Variants in PDGFD observed in about 807,000 individuals in gnomAD.
PDGFD encodes the protein platelet-derived growth factor D.
PDGFD carries 30 observed loss-of-function variants against 44.7 expected under a neutral mutation model. The observed-to-expected ratio is 0.67, with a 90% CI of 0.50 to 0.91. The LOEUF is 0.91. Among genes scored for constraint, PDGFD ranks in the 40% least tolerant of loss-of-function variants. The pLI is 0.00. For synonymous variants in PDGFD, 173 were observed against 168.4 expected, an observed-to-expected ratio of 1.03 and a Z score of -0.21; for missense variants, 445 against 457.8, an observed-to-expected ratio of 0.97 and a Z score of 0.25.
At chr11:103,999,093 C>T (rs1859580750) in intron 2 of PDGFD, among the ~76,000 whole-genome samples, 2 of 152,162 alleles carry the variant, frequency 1.3e-5, no homozygotes, top group Non-Finnish European at 2.9e-5. Context: ...TTCTGGCATA[C>T]ATTACCCTCT....
intron 3 of PDGFD, among the ~76,000 whole-genome samples, chr11:103,966,946 C>T (rs1284945218): frequency 1.3e-5 from 2 of 152,168 alleles, no homozygotes; most frequent in Admixed American, 6.5e-5. Flanking sequence ...TGAGAGCTCA[C>T]ACTCTGAAAA....
chr11:103,943,451 C>T lies in PDGFD; in HGVS notation c.772+1G>A. The T allele has an allele frequency of 6.2e-7, 1 of 1,610,490 alleles. No individual in the cohort carries two copies. Among genetic ancestry groups the T allele is most frequent in the Non-Finnish European group, 8.5e-7 (1 of 1,178,268 alleles). On this transcript the variant is annotated splice_donor_variant, in intron 5 of 6. Coordinates refer to ENST00000393158, the MANE Select transcript of PDGFD (RefSeq NM_025208.5). LOFTEE classifies it high-confidence loss of function. The stretch of plus-strand genomic sequence containing the variant: ...AGAATGTACAAGTGTCTGTCTCTTA[C>T]CTTTTGACTTCCGGTCATGGTATGA...
rs188366091 is a variant in PDGFD, at chr11:104,135,232, T to C, written c.124+28572A>G. 3.5e-3 allele frequency among the ~76,000 whole-genome samples: 531 copies of C among 152,336 alleles called. 2 individuals carry two copies. The highest frequency in any genetic ancestry group is 0.012 in the African/African-American group (493 of 41,586). ...TAGTGGTTACCCTTTCAGTGGCTAT[T>C]ACAGCACCTGGTATTGGCTGTTATG... On this transcript the variant is annotated intron_variant, in intron 1 of 6. Coordinates refer to ENST00000393158, the MANE Select transcript of PDGFD (RefSeq NM_025208.5).
At chr11:104,080,654 C>T (rs1565329056) in intron 1 of PDGFD, among the ~76,000 whole-genome samples, 1 of 152,230 alleles carries the variant, frequency 6.6e-6, no homozygotes, top group African/African-American at 2.4e-5. Context: ...TCCTTGCTTA[C>T]TTCTGTTGTG....
At chr11:104,032,470 A>G (rs1009710108) in intron 1 of PDGFD, among the ~76,000 whole-genome samples, 16 of 152,298 alleles carry the variant, frequency 1.1e-4, no homozygotes, top group Admixed American at 3.3e-4. Context: ...ATCCCAATGT[A>G]GCAAGCAAAT....
chr11:103,952,207 C>T (rs563998878), intron 3 of PDGFD, among the ~76,000 whole-genome samples: 2 of 152,288 alleles, frequency 1.3e-5, no homozygotes, highest in South Asian at 4.1e-4. Context: ...GAACAGTGCC[C>T]TTACCGTTAC....
intron 1 of PDGFD, among the ~76,000 whole-genome samples, chr11:104,103,532 C>A (rs1204411906): frequency 2.1e-5 from 3 of 146,080 alleles, no homozygotes; most frequent in African/African-American, 7.6e-5. Flanking sequence ...ATGGAAGGAT[C>A]TACCCAATAT....
intron 5 of PDGFD, among the ~76,000 whole-genome samples, chr11:103,929,234 T>C (rs1248882860): frequency 3.3e-5 from 5 of 152,212 alleles, no homozygotes; most frequent in African/African-American, 1.2e-4. Flanking sequence ...TTCCCCCTTT[T>C]GCTCCATAGT....
At chr11:104,126,008 TGCAGA>T (rs1861836475) in intron 1 of PDGFD, among the ~76,000 whole-genome samples, 1 of 152,136 alleles carries the variant, frequency 6.6e-6, no homozygotes, top group Admixed American at 6.6e-5. Flanking sequence ...GTTGCAGCAA[TGCAGA>T]GCAACCAATG....
At chr11:104,107,961 C>T (rs1004852998) in intron 1 of PDGFD, among the ~76,000 whole-genome samples, 2 of 152,092 alleles carry the variant, frequency 1.3e-5, no homozygotes, top group East Asian at 1.9e-4. Context: ...CAGCTACATA[C>T]ATAATGCTTT....
intron 2 of PDGFD, 133 bp downstream of exon 2, chr11:103,999,918 T>C: frequency 7.8e-6 from 6 of 773,890 alleles, no homozygotes; most frequent in Non-Finnish European, 1.0e-5. Flanking sequence ...GTCTTTAGGC[T>C]TTTTGAAAAA....
rs1591155196 is a variant in PDGFD at position 104,083,825 on chromosome 11, A to C, written c.124+79979T>G. ...CCCATTTTGAGAAGAATGAGTGTAAAATAATCTGGTGTCTTCTAGGCAGCA... is the reference window on the plus strand; with the variant it reads ...CCCATTTTGAGAAGAATGAGTGTAACATAATCTGGTGTCTTCTAGGCAGCA... On this transcript the variant is annotated intron_variant, in intron 1 of 6. Transcript: ENST00000393158. Among the ~76,000 whole-genome samples, 4 of 152,210 alleles carry C rather than the reference A, an allele frequency of 2.6e-5. No individual in the cohort carries two copies. In the East Asian group the frequency reaches 5.8e-4, roughly 22 times the overall value.
chr11:104,062,708 A>G (rs1656950191), intron 1 of PDGFD, among the ~76,000 whole-genome samples: 1 of 152,246 alleles, frequency 6.6e-6, no homozygotes. Context: ...GTTAAAAATA[A>G]GTAAATTCAA....
intron 1 of PDGFD, among the ~76,000 whole-genome samples, chr11:104,138,668 T>G (rs1456423516): frequency 1.3e-5 from 2 of 152,232 alleles, no homozygotes; most frequent in Non-Finnish European, 2.9e-5. Flanking sequence ...GATGCACATC[T>G]TCAGTTCATC....
chr11:103,947,431 G>A (rs1858682224), intron 4 of PDGFD, among the ~76,000 whole-genome samples: 1 of 149,454 alleles, frequency 6.7e-6, no homozygotes, highest in Non-Finnish European at 1.5e-5. Context: ...ATTACCTAGT[G>A]TGAGTTCCTA....
At chr11:103,947,861 G>C (rs999997349) in intron 3 of PDGFD, 137 bp from the exon 4 acceptor site, 1 of 690,284 alleles carries the variant, frequency 1.4e-6, no homozygotes, top group Non-Finnish European at 2.6e-6. Flanking sequence ...CTGCTGAACA[G>C]GTCACCATTT....
intron 4 of PDGFD, 60 bp downstream of exon 4, chr11:103,947,602 G>A: frequency 7.5e-7 from 1 of 1,340,048 alleles, no homozygotes. Flanking sequence ...GTCCTTTTGG[G>A]GTTGACCTTA....
intron 3 of PDGFD, among the ~76,000 whole-genome samples, chr11:103,986,986 C>T (rs752423545): frequency 6.6e-6 from 1 of 152,130 alleles, no homozygotes; most frequent in African/African-American, 2.4e-5. Context: ...CAACCAGGAA[C>T]TGACTGAGCA....
In PDGFD at chr11:104,164,103, C is replaced by T. The variant is rs1862432998; in HGVS notation, c.-176G>A. On this transcript the variant is annotated 5_prime_UTR_variant, in exon 1 of 7. Coordinates refer to ENST00000393158, the MANE Select transcript of PDGFD (RefSeq NM_025208.5). ...TCCTGCATGCTGAACTTTCCGAGCG[C>T]GTGTGGGTGCCGCACTTCCTTGTGG... The T allele has an allele frequency of 3.7e-6, 2 of 539,930 alleles. No individual in the cohort carries two copies. The highest frequency in any genetic ancestry group is 6.2e-6 in the Non-Finnish European group (2 of 323,808). The allele number at this position is 539,930 out of a possible 1,614,324, so 33.4% of individuals were successfully genotyped here.
Sources: gnomAD v4.1 joint callset for allele counts (sites outside exome capture counted in the v4.1 genomes callset) on GRCh38, gnomAD v4.1.1 for gene constraint, MANE v1.5 for transcripts, NCBI Gene and HGNC (gene_info 2026-07-23, HGNC 2026-07-21) for gene names.